The following DDX19B variants were observed in gnomAD, a reference collection of about 807,000 sequenced individuals.
DDX19B encodes the protein ATP-dependent RNA helicase DDX19B.
In DDX19B, 27 loss-of-function variants were observed where a neutral mutation model predicts 58.1. That is an observed-to-expected ratio of 0.46 (90% CI 0.34 to 0.64). DDX19B has a LOEUF of 0.64. Ranked by LOEUF, DDX19B falls within the 30% of genes least tolerant of loss-of-function variation. The pLI is 0.01. For synonymous variants in DDX19B, 187 were observed against 214.4 expected, an observed-to-expected ratio of 0.87 and a Z score of 1.12; for missense variants, 399 against 596.5, an observed-to-expected ratio of 0.67 and a Z score of 3.45.
intron 1 of DDX19B, among the ~76,000 whole-genome samples, chr16:70,311,993 C>T (rs569882657): frequency 5.9e-5 from 9 of 152,180 alleles, no homozygotes; most frequent in South Asian, 2.1e-4. Context: ...AGGCATGCAC[C>T]GCCACGCCCA....
Position 70,329,964 on chromosome 16 carries a change from A to G in DDX19B, c.919A>G (p.Ile307Val). The G allele has an allele frequency of 6.2e-7, 1 of 1,614,204 alleles. No homozygotes were observed. The highest frequency in any genetic ancestry group is 1.1e-5 in the South Asian group (1 of 91,088). Residue 307 changes from isoleucine (I) to valine (V), a missense_variant, in exon 9 of 12, where the codon ATC (isoleucine) becomes GTC (valine). Ile to Val is a conservative substitution (Grantham distance 29, BLOSUM62 3). Around this residue, in one of 4 missense-constraint regions of DDX19B, gnomAD observed 198 missense variants for 345.9 expected, o/e 0.57. Coordinates refer to ENST00000288071, the MANE Select transcript of DDX19B (RefSeq NM_007242.7). ...GCGTGAGGAAGAGACCCTGGACACC[A>G]TCAAGCAGTACTATGTCCTGTGCAG... ...LKREEETLDT[I>V]KQYYVLCSSR...
At chr16:70,291,971 G>C (rs552265441), upstream of DDX19B, among the ~76,000 whole-genome samples, 2 of 150,666 alleles carry the variant, frequency 1.3e-5, no homozygotes, top group Non-Finnish European at 1.5e-5. Flanking sequence ...AACATAGTGA[G>C]ACTCTGTTAA....
intron 1 of DDX19B, among the ~76,000 whole-genome samples, chr16:70,306,822 A>G (rs1358420295): frequency 6.6e-6 from 1 of 152,174 alleles, no homozygotes; most frequent in Non-Finnish European, 1.5e-5. Flanking sequence ...CAATTTTAGA[A>G]CATTTTCATC....
At chr16:70,297,248 C>A (rs186575907), upstream of DDX19B, among the ~76,000 whole-genome samples, 1 of 147,690 alleles carries the variant, frequency 6.8e-6, no homozygotes, top group Admixed American at 6.8e-5. Flanking sequence ...GAGTTTCACT[C>A]GTCGCCCAGG....
upstream of DDX19B, chr16:70,294,671 C>A (rs1041778121): frequency 4.3e-6 from 2 of 464,992 alleles, no homozygotes; most frequent in Admixed American, 4.0e-5. Context: ...AAGCCCTCTG[C>A]GGGAGGCTTG....
intron 1 of DDX19B, among the ~76,000 whole-genome samples, chr16:70,303,153 T>C (rs1961564452): frequency 6.6e-6 from 1 of 152,206 alleles, no homozygotes; most frequent in Non-Finnish European, 1.5e-5. Context: ...TTTTGTTTTT[T>C]TTGAGACAGG....
rs551047500 is a variant in DDX19B at position 70,332,729 on chromosome 16, G to A, written c.1187-239G>A. On this transcript the variant is annotated intron_variant, in intron 10 of 11. Transcript: ENST00000288071. Reference sequence around the variant, plus strand: ...AGGGACTCATTCATCACCTCTCCCTGCACCCCACCCCCTGACCCGTGCTAG... The same window carrying A: ...AGGGACTCATTCATCACCTCTCCCTACACCCCACCCCCTGACCCGTGCTAG... 2.0e-5 allele frequency among the ~76,000 whole-genome samples: 3 copies of A among 152,096 alleles called. No homozygotes were observed. In the East Asian group the frequency reaches 5.8e-4, roughly 29 times the overall value.
At chr16:70,318,736 C>T (rs1962582290) in intron 5 of DDX19B, among the ~76,000 whole-genome samples, 1 of 147,562 alleles carries the variant, frequency 6.8e-6, no homozygotes. Context: ...GCAGGGGTTA[C>T]AGTGAGCTGA....
chr16:70,300,336 A>ACTGGGACT (rs1436935209), intron 1 of DDX19B, among the ~76,000 whole-genome samples: 1 of 150,712 alleles, frequency 6.6e-6, no homozygotes, highest in Non-Finnish European at 1.5e-5. Flanking sequence ...CTCCTGAGTA[A>ACTGGGACT]CTGGGACTGT....
intron 1 of DDX19B, among the ~76,000 whole-genome samples, chr16:70,307,221 C>T (rs779417886): frequency 7.2e-5 from 11 of 152,012 alleles, no homozygotes; most frequent in Non-Finnish European, 1.0e-4. Context: ...TTTCAATACT[C>T]GGGTATATAT....
intron 5 of DDX19B, among the ~76,000 whole-genome samples, chr16:70,320,751 G>T (rs1228789750): frequency 1.3e-5 from 2 of 151,518 alleles, no homozygotes; most frequent in Non-Finnish European, 2.9e-5. Context: ...TAGAGATGGG[G>T]TTTCACCATG....
Position 70,324,639 on chromosome 16 carries a change from C to T in DDX19B, c.444C>T (p.Phe148=), listed in dbSNP as rs111518586. 63 of 1,613,866 alleles carry T rather than the reference C, an allele frequency of 3.9e-5. No individual in the cohort carries two copies. The highest frequency in any genetic ancestry group is 8.0e-5 in the African/African-American group (6 of 75,032). ...SQSGTGKTAA[F]VLAMLSQVEP... Reference sequence around the variant, plus strand: ...CTGGTACTGGTAAAACAGCTGCCTTCGTGCTGGCCATGCTTAGCCAAGTAG... The same window carrying T: ...CTGGTACTGGTAAAACAGCTGCCTTTGTGCTGGCCATGCTTAGCCAAGTAG... The change falls in exon 6 of 12, where the codon TTC becomes TTT. Residue 148 remains phenylalanine (F), a synonymous_variant. Transcript: ENST00000288071.
Position 70,315,964 on chromosome 16 carries a change from G to A in DDX19B, c.161-5G>A. The A allele has an allele frequency of 6.2e-7, 1 of 1,610,594 alleles. No homozygotes were observed. Among genetic ancestry groups the A allele is most frequent in the Non-Finnish European group, 8.5e-7 (1 of 1,178,614 alleles). On this transcript the variant is annotated splice_region_variant and splice_polypyrimidine_tract_variant and intron_variant, in intron 3 of 11. Coordinates refer to ENST00000288071, the MANE Select transcript of DDX19B (RefSeq NM_007242.7). ...TAAAATTCTTTGCTTTCTTTTTCCTGACAGAGGACAGAGCTGCCCAGTCCT... is the reference window on the plus strand; with the variant it reads ...TAAAATTCTTTGCTTTCTTTTTCCTAACAGAGGACAGAGCTGCCCAGTCCT...
At chr16:70,293,597 A>ATTTTTTTTTTTTTTTTTTTTTTTT (rs71151182), upstream of DDX19B, among the ~76,000 whole-genome samples, 8 of 77,014 alleles carry the variant, frequency 1.0e-4, 2 homozygotes, top group African/African-American at 4.4e-4. Context: ...GGATGGCTGA[A>ATTTTTTTTTTTTTTTTTTTTTTTT]TTTTTTTTTT....
chr16:70,292,742 A>G (rs1367545493), upstream of DDX19B, among the ~76,000 whole-genome samples: 1 of 152,176 alleles, frequency 6.6e-6, no homozygotes, highest in Non-Finnish European at 1.5e-5. Context: ...GGGGCATGAG[A>G]AAGATAACCA....
upstream of DDX19B, chr16:70,294,668 C>A: frequency 2.2e-6 from 1 of 463,824 alleles, no homozygotes; most frequent in Non-Finnish European, 3.8e-6. Flanking sequence ...ACAAAGCCCT[C>A]TGCGGGAGGC....
chr16:70,305,801 C>A (rs1166664497), intron 1 of DDX19B, among the ~76,000 whole-genome samples: 1 of 151,942 alleles, frequency 6.6e-6, no homozygotes, highest in Non-Finnish European at 1.5e-5. Flanking sequence ...CACTCTGTCG[C>A]CCAGGCTGGA....
chr16:70,315,302 G>C (rs965625042), intron 3 of DDX19B, among the ~76,000 whole-genome samples: 1 of 150,842 alleles, frequency 6.6e-6, no homozygotes, highest in African/African-American at 2.4e-5. Context: ...CAGAAGAATG[G>C]CATGAACCCG....
upstream of DDX19B, among the ~76,000 whole-genome samples, chr16:70,297,219 A>AT (rs1413140571): frequency 7.6e-5 from 11 of 144,328 alleles, no homozygotes; most frequent in African/African-American, 2.9e-4. Flanking sequence ...CAGTCTATTT[A>AT]TTTATTTTTT....
Sources: gnomAD v4.1 joint callset for allele counts (sites outside exome capture counted in the v4.1 genomes callset) on GRCh38, gnomAD v4.1.1 for gene constraint, gnomAD v4.1.1 regional missense constraint, MANE v1.5 for transcripts, NCBI Gene and HGNC (gene_info 2026-07-23, HGNC 2026-07-21) for gene names.